SUGCT: variants seen among roughly 807,000 people sequenced by gnomAD.
The protein encoded by SUGCT is succinyl-CoA:glutarate-CoA transferase.
SUGCT carries 41 observed loss-of-function variants against 55.0 expected under a neutral mutation model. The observed-to-expected ratio is 0.74, with a 90% confidence interval of 0.58 to 0.97. The LOEUF is 0.97. SUGCT is among the 50% of genes least tolerant of loss of function. The probability of loss-of-function intolerance (pLI) is 0.00; values close to 1 mark genes in which losing one functional copy is unlikely to be tolerated. For synonymous variants in SUGCT, 187 were observed against 200.4 expected (o/e 0.93, Z 0.56); for missense variants, 568 against 547.8 (o/e 1.04, Z -0.37).
intron 6 of SUGCT, among the ~76,000 whole-genome samples, chr7:40,224,399 CGTGTGTGTGTGTGT>C (rs61318990): frequency 6.9e-6 from 1 of 145,390 alleles, no homozygotes; most frequent in Non-Finnish European, 1.5e-5. Flanking sequence ...ATAATCTGTG[CGTGTGTGTGTGTGT>C]GTGTGTGTGT....
chr7:40,723,760 T>G (rs528415019), intron 12 of SUGCT, among the ~76,000 whole-genome samples: 254 of 152,278 alleles, frequency 1.7e-3, no homozygotes, highest in Non-Finnish European at 2.5e-3. Flanking sequence ...TCATACTATA[T>G]CCCATTAATT....
At chr7:40,527,784 T>C (rs1379599969) in intron 12 of SUGCT, among the ~76,000 whole-genome samples, 3 of 152,096 alleles carry the variant, frequency 2.0e-5, no homozygotes, top group African/African-American at 7.2e-5. Context: ...TGTCAAATGA[T>C]CAGAAATGAA....
At position 40,529,846 on chromosome 7, in the gene SUGCT, A is replaced by G. The variant is rs183570663; in HGVS notation, c.1089+33460A>G. 2.0e-5 allele frequency among the ~76,000 whole-genome samples: 3 copies of G among 152,348 alleles called. No homozygotes were observed. The East Asian group carries it at 5.8e-4, about 29-fold the overall frequency. On this transcript the variant is annotated intron_variant, in intron 12 of 13. Transcript: ENST00000335693. ...CACCAACCTAATAAATGAATTGTAG[A>G]AAATAAACTTTACACCCACCAGCTA...
intron 12 of SUGCT, among the ~76,000 whole-genome samples, chr7:40,644,404 T>G (rs1345379718): frequency 6.6e-6 from 1 of 152,222 alleles, no homozygotes; most frequent in Non-Finnish European, 1.5e-5. Flanking sequence ...ATGGAGCCAC[T>G]CACTACTGAT....
intron 12 of SUGCT, among the ~76,000 whole-genome samples, chr7:40,663,212 TTG>T (rs775443607): frequency 6.6e-5 from 10 of 152,172 alleles, no homozygotes; most frequent in Non-Finnish European, 1.5e-4. Context: ...CTTATGGACT[TTG>T]TTTAATTTTT....
At chr7:40,323,520 A>T (rs571361570) in intron 9 of SUGCT, among the ~76,000 whole-genome samples, 7 of 151,986 alleles carry the variant, frequency 4.6e-5, no homozygotes, top group Non-Finnish European at 1.0e-4. Flanking sequence ...CTCCCGAGTA[A>T]TAGCTGGGAC....
At chr7:40,170,291 T>C (rs1784608783) in intron 1 of SUGCT, among the ~76,000 whole-genome samples, 1 of 152,204 alleles carries the variant, frequency 6.6e-6, no homozygotes, top group African/African-American at 2.4e-5. Context: ...GTGTCTGATC[T>C]AGCAATAACA....
At chr7:40,819,610 A>AT (rs1345259504) in intron 13 of SUGCT, among the ~76,000 whole-genome samples, 3 of 151,480 alleles carry the variant, frequency 2.0e-5, no homozygotes, top group South Asian at 2.1e-4. Context: ...GGGTTGTTTG[A>AT]TTTTTTCTTG....
chr7:40,563,836 A>G (rs185900096), intron 12 of SUGCT, among the ~76,000 whole-genome samples: 1 of 152,250 alleles, frequency 6.6e-6, no homozygotes, highest in East Asian at 1.9e-4. Context: ...ATAATTAAGC[A>G]CTAGCAATTA....
At chr7:40,172,950 A>G (rs187301633) in intron 1 of SUGCT, among the ~76,000 whole-genome samples, 136 of 152,346 alleles carry the variant, frequency 8.9e-4, no homozygotes, top group Non-Finnish European at 1.6e-3. Context: ...AGCAAGTGAA[A>G]GTGGTCCAAT....
the SUGCT span, among the ~76,000 whole-genome samples, chr7:41,004,429 G>T: frequency 6.6e-6 from 1 of 152,240 alleles, no homozygotes; most frequent in Non-Finnish European, 1.5e-5. Context: ...CCTAAGCAGG[G>T]TGGGCAGAAG....
chr7:40,932,298 G>T, the SUGCT span, among the ~76,000 whole-genome samples: 1 of 152,024 alleles, frequency 6.6e-6, no homozygotes, highest in Non-Finnish European at 1.5e-5. Flanking sequence ...ACAGTTTGTT[G>T]TGATTTTTGT....
At chr7:40,832,123 C>T (rs1792701983) in intron 13 of SUGCT, among the ~76,000 whole-genome samples, 1 of 152,046 alleles carries the variant, frequency 6.6e-6, no homozygotes, top group Non-Finnish European at 1.5e-5. Context: ...TGTGGCTGTC[C>T]CTGTGTGCGT....
intron 9 of SUGCT, among the ~76,000 whole-genome samples, chr7:40,338,482 C>T (rs1028812160): frequency 2.0e-5 from 3 of 152,150 alleles, no homozygotes; most frequent in Non-Finnish European, 2.9e-5. Flanking sequence ...TCTCTTCTCA[C>T]TTCATTTCAT....
chr7:40,674,165 C>T (rs1243129995), intron 12 of SUGCT, among the ~76,000 whole-genome samples: 1 of 152,160 alleles, frequency 6.6e-6, no homozygotes, highest in Non-Finnish European at 1.5e-5. Flanking sequence ...GTACCAAGTA[C>T]TATTTCTTCT....
intron 12 of SUGCT, among the ~76,000 whole-genome samples, chr7:40,522,627 T>C (rs978568687): frequency 6.6e-6 from 1 of 152,140 alleles, no homozygotes; most frequent in Admixed American, 6.6e-5. Context: ...GTAGGAAATA[T>C]GTAATGTATA....
intron 12 of SUGCT, among the ~76,000 whole-genome samples, chr7:40,529,505 C>T (rs1227892227): frequency 6.6e-6 from 1 of 152,160 alleles, no homozygotes; most frequent in East Asian, 1.9e-4. Context: ...TAAACCAGGG[C>T]AGACAAATCA....
chr7:40,366,503 T>A (rs1051292446), intron 9 of SUGCT, among the ~76,000 whole-genome samples: 1 of 151,950 alleles, frequency 6.6e-6, no homozygotes, highest in African/African-American at 2.4e-5. Context: ...GAAAATTTTC[T>A]CAACCTACTC....
chr7:40,449,152 A>G, intron 9 of SUGCT, 135 bp from the exon 10 acceptor site: 1 of 608,520 alleles, frequency 1.6e-6, no homozygotes, highest in Non-Finnish European at 2.9e-6. Flanking sequence ...ATATATGAAA[A>G]AGATACAAAT....
Sources: gnomAD v4.1 joint callset for allele counts (sites outside exome capture counted in the v4.1 genomes callset) on GRCh38, gnomAD v4.1.1 for gene constraint, MANE v1.5 for transcripts, NCBI Gene and HGNC (gene_info 2026-07-23, HGNC 2026-07-21) for gene names.